EBF1: variants seen among roughly 807,000 people sequenced by gnomAD.
EBF1 encodes EBF transcription factor 1.
In EBF1, 10 loss-of-function variants were observed where a neutral mutation model predicts 68.4. The observed-to-expected ratio is 0.15, with a 90% CI of 0.09 to 0.25. The LOEUF is 0.25. Among genes scored for constraint, EBF1 ranks in the 10% least tolerant of loss-of-function variants. The pLI, the probability that EBF1 is intolerant of heterozygous loss-of-function variation, is 1.00. For synonymous variants in EBF1, 298 were observed against 299.8 expected (o/e 0.99, Z 0.06); for missense variants, 509 against 794.4 (o/e 0.64, Z 4.32).
At chr5:158,912,101 T>A (rs56097895) in intron 6 of EBF1, among the ~76,000 whole-genome samples, 9,153 of 152,318 alleles carry the variant, frequency 0.06, 322 homozygotes, top group Non-Finnish European at 0.071. Flanking sequence ...ATTTGGTTGA[T>A]AAGCACCTGC....
intron 6 of EBF1, among the ~76,000 whole-genome samples, chr5:158,966,595 G>A (rs976475566): frequency 1.3e-5 from 2 of 152,144 alleles, no homozygotes; most frequent in Admixed American, 6.5e-5. Flanking sequence ...ACTCTTAGAA[G>A]GCAATTAATA....
intron 6 of EBF1, among the ~76,000 whole-genome samples, chr5:158,875,604 T>C (rs1308114810): frequency 6.6e-6 from 1 of 152,208 alleles, no homozygotes; most frequent in Non-Finnish European, 1.5e-5. Context: ...CATACTCTAT[T>C]AGGAAATGAG....
At chr5:159,031,193 G>T (rs550775883) in intron 6 of EBF1, among the ~76,000 whole-genome samples, 1 of 152,310 alleles carries the variant, frequency 6.6e-6, no homozygotes, top group Middle Eastern at 3.4e-3. Flanking sequence ...GAAAAGAAAA[G>T]AAAAGAGTAC....
chr5:159,043,829 G>T (rs569168229), intron 6 of EBF1, among the ~76,000 whole-genome samples: 1 of 151,962 alleles, frequency 6.6e-6, no homozygotes, highest in Non-Finnish European at 1.5e-5. Context: ...CTTCTGCTTC[G>T]GCTCACCAAG....
intron 7 of EBF1, among the ~76,000 whole-genome samples, chr5:158,828,300 T>C (rs1441681327): frequency 6.6e-6 from 1 of 152,196 alleles, no homozygotes; most frequent in Non-Finnish European, 1.5e-5. Context: ...CAGAAATTCA[T>C]GCATTGAAGG....
At chr5:158,772,912 G>T (rs987084632) in intron 10 of EBF1, among the ~76,000 whole-genome samples, 1 of 152,060 alleles carries the variant, frequency 6.6e-6, no homozygotes, top group Non-Finnish European at 1.5e-5. Flanking sequence ...CCCCAGCAAG[G>T]TATTATTATT....
At chr5:158,819,336 C>T (rs772254235) in intron 8 of EBF1, among the ~76,000 whole-genome samples, 5 of 152,148 alleles carry the variant, frequency 3.3e-5, no homozygotes, top group African/African-American at 7.2e-5. Flanking sequence ...ATGATGAGCA[C>T]GGGCACTTTG....
intron 9 of EBF1, among the ~76,000 whole-genome samples, chr5:158,785,399 T>C (rs774545975): frequency 2.0e-5 from 3 of 152,180 alleles, no homozygotes; most frequent in Non-Finnish European, 2.9e-5. Flanking sequence ...CCATATTATA[T>C]CTCTATTTCC....
At chr5:158,975,921 G>T (rs545406421) in intron 6 of EBF1, among the ~76,000 whole-genome samples, 1 of 152,294 alleles carries the variant, frequency 6.6e-6, no homozygotes, top group South Asian at 2.1e-4. Context: ...GGGATGATTG[G>T]ACTCAGCTTT....
intron 6 of EBF1, among the ~76,000 whole-genome samples, chr5:158,982,719 A>G (rs1758133515): frequency 6.6e-6 from 1 of 152,150 alleles, no homozygotes; most frequent in Non-Finnish European, 1.5e-5. Context: ...ATATAATTTA[A>G]TAAAGTGTCC....
intron 10 of EBF1, among the ~76,000 whole-genome samples, chr5:158,754,482 G>C (rs1050596576): frequency 2.0e-5 from 3 of 152,106 alleles, no homozygotes; most frequent in African/African-American, 7.2e-5. Flanking sequence ...CTAGCAAAAT[G>C]CTCCAAAGCT....
chr5:158,856,306 C>T (rs190155024), intron 6 of EBF1, among the ~76,000 whole-genome samples: 367 of 152,274 alleles, frequency 2.4e-3, no homozygotes, highest in African/African-American at 8.1e-3. Context: ...ATTCCCTGAA[C>T]GCTGAGAGTG....
At chr5:158,882,440 T>C (rs1174538666) in intron 6 of EBF1, among the ~76,000 whole-genome samples, 1 of 152,164 alleles carries the variant, frequency 6.6e-6, no homozygotes, top group Non-Finnish European at 1.5e-5. Context: ...GGCTGCAATA[T>C]GCTAGATGCC....
At chr5:158,945,497 G>A (rs1814455153) in intron 6 of EBF1, among the ~76,000 whole-genome samples, 1 of 152,106 alleles carries the variant, frequency 6.6e-6, no homozygotes, top group Non-Finnish European at 1.5e-5. Flanking sequence ...TTGAATATTG[G>A]CCCCCACTCT....
intron 6 of EBF1, among the ~76,000 whole-genome samples, chr5:158,939,111 G>C (rs1455195421): frequency 6.6e-6 from 1 of 152,142 alleles, no homozygotes; most frequent in Non-Finnish European, 1.5e-5. Flanking sequence ...AAATCAAGAG[G>C]AGCAGCACAT....
At chr5:158,911,935 A>AT (rs1302627134) in intron 6 of EBF1, among the ~76,000 whole-genome samples, 1 of 152,260 alleles carries the variant, frequency 6.6e-6, no homozygotes, top group African/African-American at 2.4e-5. Flanking sequence ...AAATACAGCC[A>AT]TACCTGATCT....
intron 6 of EBF1, among the ~76,000 whole-genome samples, chr5:159,022,056 T>A (rs202113034): frequency 1.5e-3 from 157 of 105,524 alleles, no homozygotes; most frequent in Non-Finnish European, 1.7e-3. Context: ...GTCAGCACGA[T>A]AAAAAAAAAA....
At chr5:158,862,629 C>T (rs919481747) in intron 6 of EBF1, among the ~76,000 whole-genome samples, 1 of 151,998 alleles carries the variant, frequency 6.6e-6, no homozygotes, top group African/African-American at 2.4e-5. Context: ...AGGTTTTCTA[C>T]TTGGCCCATG....
At chr5:158,807,747 C>T (rs998417788) in intron 8 of EBF1, among the ~76,000 whole-genome samples, 18 of 152,136 alleles carry the variant, frequency 1.2e-4, no homozygotes, top group Non-Finnish European at 2.2e-4. Flanking sequence ...ACGGAAGTCC[C>T]CCAGTTGGCC....
Sources: allele counts gnomAD v4.1 joint callset (sites outside exome capture counted in the v4.1 genomes callset), GRCh38; gene constraint gnomAD v4.1.1; transcripts MANE v1.5; gene names NCBI Gene and HGNC (gene_info 2026-07-23, HGNC 2026-07-21).